SLC5A4: variants seen among roughly 807,000 people sequenced by gnomAD.
The protein encoded by SLC5A4 is solute carrier family 5 member 4.
In SLC5A4, 55 loss-of-function variants were observed where a neutral mutation model predicts 70.3. That is an observed-to-expected ratio of 0.78 (90% CI 0.63 to 0.98). SLC5A4 has a LOEUF of 0.98. Ranked by LOEUF, SLC5A4 falls within the 50% of genes least tolerant of loss-of-function variation. SLC5A4 has a pLI of 0.00. For missense variants in SLC5A4, 735 were observed against 839.2 expected, an observed-to-expected ratio of 0.88 and a Z score of 1.53; for synonymous variants, 268 against 305.7, an observed-to-expected ratio of 0.88 and a Z score of 1.29.
chr22:32,271,602 A>AGGACATTTATGGCTACTCAGGAGTGTAGT, the SLC5A4 span: 1 of 679,058 alleles, frequency 1.5e-6, no homozygotes, highest in East Asian at 3.1e-5. Flanking sequence ...CACTACTTCG[A>AGGACATTTATGGCTACTCAGGAGTGTAGT]GGACATTTAT....
chr22:32,331,001 T>TGTGTTTGGGGCTCTGGTGTTTTTGA, the SLC5A4 span, among the ~76,000 whole-genome samples: 1 of 2,442 alleles, frequency 4.1e-4, no homozygotes, highest in Non-Finnish European at 7.3e-4. Context: ...CTCTGGTGTG[T>TGTGTTTGGGGCTCTGGTGTTTTTGA]GTGTTGGGGG....
At chr22:32,303,524 G>T in the SLC5A4 span, among the ~76,000 whole-genome samples, 1 of 152,302 alleles carries the variant, frequency 6.6e-6, no homozygotes, top group East Asian at 1.9e-4. Flanking sequence ...TTTGAGTTCT[G>T]TCTGTCCTTT....
chr22:32,338,230 A>T, the SLC5A4 span, among the ~76,000 whole-genome samples: 1 of 152,232 alleles, frequency 6.6e-6, no homozygotes, highest in South Asian at 2.1e-4. Flanking sequence ...CGTGGGGGAT[A>T]AATGTTGCTT....
the SLC5A4 span, among the ~76,000 whole-genome samples, chr22:32,298,101 G>T: frequency 7.8e-6 from 1 of 127,654 alleles, no homozygotes; most frequent in Admixed American, 8.3e-5. Flanking sequence ...GAATAGGTGT[G>T]GTGTGGTGCT....
At chr22:32,271,055 G>T in the SLC5A4 span, 2 of 573,466 alleles carry the variant, frequency 3.5e-6, no homozygotes. Flanking sequence ...TGGGGATTTG[G>T]GATCCCTCTT....
chr22:32,245,975 TG>T (rs1454143680), intron 5 of SLC5A4, among the ~76,000 whole-genome samples: 2 of 152,230 alleles, frequency 1.3e-5, no homozygotes, highest in Admixed American at 6.5e-5. Flanking sequence ...CTTCCCATCC[TG>T]GGGAATACTT....
chr22:32,270,795 CGT>C, the SLC5A4 span: 31 of 599,108 alleles, frequency 5.2e-5, no homozygotes, highest in Middle Eastern at 6.0e-4. Context: ...CCGACGGCCG[CGT>C]CACCATGTTC....
the SLC5A4 span, among the ~76,000 whole-genome samples, chr22:32,294,012 C>A: frequency 3.3e-5 from 5 of 152,122 alleles, no homozygotes; most frequent in African/African-American, 7.2e-5. Context: ...TCTCCACCCC[C>A]ACCCCAGCCC....
chr22:32,352,261 C>A, the SLC5A4 span, among the ~76,000 whole-genome samples: 1 of 112,940 alleles, frequency 8.9e-6, no homozygotes, highest in African/African-American at 3.4e-5. Flanking sequence ...CATACCAGGG[C>A]CTGTTGTGGG....
At chr22:32,288,785 A>T in the SLC5A4 span, among the ~76,000 whole-genome samples, 1 of 152,134 alleles carries the variant, frequency 6.6e-6, no homozygotes, top group Non-Finnish European at 1.5e-5. Flanking sequence ...ACCTCAGGTG[A>T]TCCGACCGCC....
chr22:32,254,568 G>C (rs535079394), intron 1 of SLC5A4, among the ~76,000 whole-genome samples: 26 of 152,282 alleles, frequency 1.7e-4, no homozygotes, highest in South Asian at 4.1e-4. Context: ...ACTTTGGAGG[G>C]CCGAGGCGGG....
chr22:32,330,917 T>TG, the SLC5A4 span, among the ~76,000 whole-genome samples: 14 of 55,928 alleles, frequency 2.5e-4, no homozygotes, highest in East Asian at 1.1e-3. Context: ...GTGTGTGTGT[T>TG]GGAGGCCTCT....
the SLC5A4 span, among the ~76,000 whole-genome samples, chr22:32,312,088 T>G: frequency 6.6e-6 from 1 of 151,954 alleles, no homozygotes. Context: ...ACTTGGTACC[T>G]GCCCTGTGGT....
At chr22:32,227,649 A>G (rs1372396083) in intron 11 of SLC5A4, among the ~76,000 whole-genome samples, 4 of 152,238 alleles carry the variant, frequency 2.6e-5, no homozygotes, top group African/African-American at 7.2e-5. Context: ...AAAAGAAGCC[A>G]TATTTCGGCA....
chr22:32,223,228 T>C (rs5998320), intron 13 of SLC5A4, among the ~76,000 whole-genome samples: 13,311 of 152,254 alleles, frequency 0.087, 722 homozygotes, highest in African/African-American at 0.15. Flanking sequence ...CTATTTCCTA[T>C]TTGAAAACTT....
intron 13 of SLC5A4, among the ~76,000 whole-genome samples, chr22:32,223,317 T>C (rs756084259): frequency 1.9e-4 from 29 of 152,222 alleles, no homozygotes; most frequent in Admixed American, 3.3e-4. Flanking sequence ...AAACTGGGAT[T>C]GTTGTTTCAT....
the SLC5A4 span, among the ~76,000 whole-genome samples, chr22:32,330,678 C>T: frequency 1.6e-5 from 1 of 60,814 alleles, no homozygotes; most frequent in Admixed American, 2.6e-4. Flanking sequence ...TGTTAGGGGG[C>T]TCTGGTGTGT....
At chr22:32,329,102 G>T in the SLC5A4 span, among the ~76,000 whole-genome samples, 4 of 152,230 alleles carry the variant, frequency 2.6e-5, no homozygotes, top group African/African-American at 9.6e-5. Flanking sequence ...TCTGGATCAG[G>T]CTTCTCTGCA....
At chr22:32,272,258 G>C in the SLC5A4 span, 1 of 795,852 alleles carries the variant, frequency 1.3e-6, no homozygotes, top group South Asian at 1.4e-5. Flanking sequence ...AGCCCAGCCA[G>C]CCCTTGACCA....
Sources: gnomAD v4.1 joint callset for allele counts (sites outside exome capture counted in the v4.1 genomes callset) on GRCh38, gnomAD v4.1.1 for gene constraint, MANE v1.5 for transcripts, NCBI Gene and HGNC (gene_info 2026-07-23, HGNC 2026-07-21) for gene names.